VIPR2: variants seen among roughly 807,000 people sequenced by gnomAD.
VIPR2 encodes vasoactive intestinal peptide receptor 2.
A neutral mutation model predicts 58.0 loss-of-function variants in VIPR2; 48 were observed. The observed-to-expected ratio is 0.83, with a 90% CI of 0.66 to 1.05. The LOEUF (loss-of-function observed/expected upper bound fraction) is 1.05. VIPR2 is among the 50% of genes least tolerant of loss of function. The pLI is 0.00. For missense variants in VIPR2, 534 were observed against 558.0 expected (o/e 0.96, Z 0.43); for synonymous variants, 243 against 235.2 (o/e 1.03, Z -0.30).
chr7:159,058,474 T>C lies in VIPR2; in HGVS notation c.455+7A>G, dbSNP rs372469418. On this transcript the variant is annotated splice_region_variant and intron_variant, in intron 5 of 12. Transcript: ENST00000262178. ...TCTTTGCAGAATTACTAATTTCTGC[T>C]CCTTACCTGAAGAGGCACAGAATTA... is the stretch of plus-strand genomic sequence containing the variant. The C allele has an allele frequency of 5.3e-5, 86 of 1,609,532 alleles. No homozygotes were observed. Among genetic ancestry groups the C allele is most frequent in the Non-Finnish European group, 6.7e-5 (79 of 1,176,146 alleles).
chr7:159,071,227 T>C (rs1856371797), intron 4 of VIPR2, among the ~76,000 whole-genome samples: 1 of 152,194 alleles, frequency 6.6e-6, no homozygotes, highest in Non-Finnish European at 1.5e-5. Flanking sequence ...GTGAAGTTTA[T>C]CTTCATTAGA....
rs1018777849 is a variant in VIPR2 at position 159,034,997 on chromosome 7, C to T, written c.810-347G>A. Among the ~76,000 whole-genome samples, 3 of 152,134 alleles carry T rather than the reference C, an allele frequency of 2.0e-5. No homozygotes were observed. In the East Asian group the frequency reaches 5.8e-4, roughly 29 times the overall value. On this transcript the variant is annotated intron_variant, in intron 8 of 12. Transcript: ENST00000262178. ...AACCTTCCTCCTGAAAATTAGCTTC[C>T]CCTCACCTCCCGAATGGTTTGCATG...
intron 2 of VIPR2, among the ~76,000 whole-genome samples, chr7:159,121,553 AC>A (rs1284157179): frequency 6.6e-6 from 1 of 152,212 alleles, no homozygotes; most frequent in African/African-American, 2.4e-5. Context: ...ATTTCTTTTT[AC>A]AAAAATATGA....
In VIPR2 at chr7:159,080,820, A is replaced by G. The variant is rs527824261; in HGVS notation, c.358-22242T>C. Among the ~76,000 whole-genome samples, 652 of 152,256 alleles carry G rather than the reference A, an allele frequency of 4.3e-3. 1 individual carries two copies. Among genetic ancestry groups the G allele is most frequent in the African/African-American group, 0.015 (627 of 41,550 alleles). On this transcript the variant is annotated intron_variant, in intron 4 of 12. Coordinates refer to ENST00000262178, the MANE Select transcript of VIPR2 (RefSeq NM_003382.5). ...AAATCACAAGCATTCTTATACACCA[A>G]TAACAGACAAACAGAGAGCCAAATC...
intron 4 of VIPR2, among the ~76,000 whole-genome samples, chr7:159,087,566 G>A (rs561034880): frequency 4.9e-5 from 6 of 123,416 alleles, no homozygotes; most frequent in Admixed American, 2.5e-4. Context: ...AGTGAGATAC[G>A]GCTTCCCAAC....
intron 4 of VIPR2, among the ~76,000 whole-genome samples, chr7:159,071,008 C>T (rs1041694725): frequency 3.9e-5 from 6 of 152,166 alleles, no homozygotes; most frequent in Non-Finnish European, 7.3e-5. Flanking sequence ...AGGTCATTAC[C>T]GGCAAGAAAT....
Position 159,103,839 on chromosome 7 carries a change from T to A in VIPR2, c.275A>T (p.Asn92Ile), listed in dbSNP as rs745651434. The change falls in exon 4 of 13, where the codon AAC (asparagine) becomes ATC (isoleucine). Residue 92 changes from asparagine to isoleucine, a missense_variant. This residue lies in a region of VIPR2 where 224 missense variants were observed against 255.7 expected (regional missense o/e 0.88). Coordinates refer to ENST00000262178, the MANE Select transcript of VIPR2 (RefSeq NM_003382.5). Reference sequence around the variant, plus strand: ...CTCTGACCATCCGTCACTCGTACAGTTTTTGCTTATGTTTCCTGGAAAGTG... The same window carrying A: ...CTCTGACCATCCGTCACTCGTACAGATTTTGCTTATGTTTCCTGGAAAGTG... ...FYSKAGNISK[N>I]CTSDGWSETF... 5 of 1,614,072 alleles carry A rather than the reference T, an allele frequency of 3.1e-6. No homozygotes were observed. The East Asian group carries it at 1.1e-4, about 36-fold the overall frequency.
chr7:159,097,265 T>C lies in VIPR2; in HGVS notation c.357+6492A>G. 7.3e-7 allele frequency: 1 copy of C among 1,377,648 alleles called. No homozygotes were observed. 85.3% of individuals were successfully genotyped at this position (1,377,648 alleles called of 1,614,324 possible). A position where few individuals can be genotyped will look rare whatever the true frequency, so the allele number is the denominator to read the frequency against. On this transcript the variant is annotated intron_variant, in intron 4 of 12. Coordinates refer to ENST00000262178, the MANE Select transcript of VIPR2 (RefSeq NM_003382.5). This position sits in a 1 kb window ranked among gnomAD's most constrained non-coding sequence, Gnocchi z 5.3. ...GTGCTGGAGGAGGGCAGAGGCTTAT[T>C]TTTAGGGATGTGGCGTAACACGGAA...
intron 4 of VIPR2, among the ~76,000 whole-genome samples, chr7:159,084,750 G>A (rs184604445): frequency 2.3e-4 from 35 of 152,322 alleles, no homozygotes; most frequent in African/African-American, 7.9e-4. Context: ...GGAGGATTTC[G>A]GGGCATGGAC....
At chr7:159,061,015 CAT>C (rs1449277516) in intron 4 of VIPR2, among the ~76,000 whole-genome samples, 1 of 152,178 alleles carries the variant, frequency 6.6e-6, no homozygotes, top group African/African-American at 2.4e-5. Flanking sequence ...AGATGAAGAA[CAT>C]GTGGTACATA....
intron 2 of VIPR2, among the ~76,000 whole-genome samples, chr7:159,130,944 A>C (rs1796886231): frequency 6.6e-6 from 1 of 152,202 alleles, no homozygotes; most frequent in South Asian, 2.1e-4. Flanking sequence ...CAGGATACTC[A>C]AGCAGCTGCA....
intron 2 of VIPR2, among the ~76,000 whole-genome samples, chr7:159,124,793 T>C (rs895919080): frequency 6.6e-6 from 1 of 152,240 alleles, no homozygotes; most frequent in Non-Finnish European, 1.5e-5. Context: ...CATTTGTTTG[T>C]GTCACCTCTG....
chr7:159,080,553 G>T (rs369144496), intron 4 of VIPR2, among the ~76,000 whole-genome samples: 38 of 152,200 alleles, frequency 2.5e-4, no homozygotes, highest in African/African-American at 8.9e-4. Context: ...TTTGAAAACT[G>T]GCACAAGACA....
At chr7:159,035,540 G>T (rs1853883444) in intron 8 of VIPR2, among the ~76,000 whole-genome samples, 1 of 152,240 alleles carries the variant, frequency 6.6e-6, no homozygotes, top group South Asian at 2.1e-4. Flanking sequence ...AAAGCGCTCT[G>T]GGCCGCATGA....
intron 3 of VIPR2, among the ~76,000 whole-genome samples, chr7:159,106,471 AGGAAGGGGCAGAGAGAGGCCG>A (rs1563333489): frequency 1.7e-4 from 21 of 122,238 alleles, no homozygotes; most frequent in African/African-American, 6.4e-4. Flanking sequence ...GAGAGAGGCC[AGGAAGGGGCAGAGAGAGGCCG>A]GGGAGGGGCA....
Position 159,096,855 on chromosome 7 carries a change from C to T in VIPR2, c.357+6902G>A, listed in dbSNP as rs1210195172. The T allele has an allele frequency of 2.4e-5, 37 of 1,533,456 alleles. No individual in the cohort carries two copies. The highest frequency in any genetic ancestry group is 3.0e-5 in the Non-Finnish European group (34 of 1,135,976). 95.0% of individuals were successfully genotyped at this position (1,533,456 alleles called of 1,614,324 possible). Reference sequence around the variant, plus strand: ...CCCACCTCGGGATGCTTCCGCCGTACTGTGTCCATGGCTGAGACCACCCTC... The same window carrying T: ...CCCACCTCGGGATGCTTCCGCCGTATTGTGTCCATGGCTGAGACCACCCTC... On this transcript the variant is annotated intron_variant, in intron 4 of 12. Coordinates refer to ENST00000262178, the MANE Select transcript of VIPR2 (RefSeq NM_003382.5). This position sits in a 1 kb window ranked among gnomAD's most constrained non-coding sequence, Gnocchi z 5.5.
At chr7:159,129,615 TGGGGGGGACAGGGCCA>T in intron 2 of VIPR2, among the ~76,000 whole-genome samples, 1 of 4,840 alleles carries the variant, frequency 2.1e-4, no homozygotes, top group African/African-American at 7.4e-4. Flanking sequence ...AACTGGCCTC[TGGGGGGGACAGGGCCA>T]GGTGACCAGC....
intron 2 of VIPR2, among the ~76,000 whole-genome samples, chr7:159,130,524 C>A (rs1335453127): frequency 1.3e-5 from 2 of 152,172 alleles, no homozygotes; most frequent in East Asian, 3.9e-4. Context: ...GTAGCCCCAC[C>A]CAGAAGTGAT....
chr7:159,052,066 C>T (rs963227224), intron 5 of VIPR2, among the ~76,000 whole-genome samples: 5 of 152,012 alleles, frequency 3.3e-5, no homozygotes, highest in Admixed American at 6.5e-5. Flanking sequence ...TATTTTCAAA[C>T]GAAAATGAAA....
Sources: allele counts gnomAD v4.1 joint callset (sites outside exome capture counted in the v4.1 genomes callset), GRCh38; gene constraint gnomAD v4.1.1; regional missense constraint gnomAD v4.1.1; non-coding constraint Gnocchi (gnomAD v3.1); transcripts MANE v1.5; gene names NCBI Gene and HGNC (gene_info 2026-07-23, HGNC 2026-07-21).